SPRY3: variants seen among roughly 807,000 people sequenced by gnomAD.
SPRY3 encodes protein sprouty homolog 3.
SPRY3 carries 15 observed loss-of-function variants against 20.2 expected under a neutral mutation model. That is an observed-to-expected ratio of 0.74 (90% CI 0.50 to 1.14). The LOEUF is 1.14. Among genes scored for constraint, SPRY3 ranks in the 50% most tolerant of loss-of-function variants. The pLI, the probability that SPRY3 is intolerant of heterozygous loss-of-function variation, is 0.00. For synonymous variants in SPRY3, 143 were observed against 136.5 expected (o/e 1.05, Z -0.33); for missense variants, 364 against 363.9 (o/e 1.00, Z 0.00).
chrX:155,652,590 G>A (rs1471481409), intron 1 of SPRY3, among the ~76,000 whole-genome samples: 1 of 111,966 alleles, frequency 8.9e-6, no homozygotes, highest in Non-Finnish European at 1.9e-5. Flanking sequence ...ATTCCATTGT[G>A]TGTATATATA....
chrX:155,746,204 T>C (rs2091225263), intron 2 of SPRY3, among the ~76,000 whole-genome samples: 1 of 152,096 alleles, frequency 6.6e-6, no homozygotes, highest in Non-Finnish European at 1.5e-5. Flanking sequence ...TACTTTCTTT[T>C]ATACCTGTAA....
chrX:155,777,698 C>T (rs190191853), downstream of SPRY3: 2,912 of 52,774 alleles, frequency 0.055, 45 homozygotes, highest in Non-Finnish European at 5.3e-3. Context: ...AAAATATATA[C>T]GAAAGAACTC....
intron 3 of SPRY3, among the ~76,000 whole-genome samples, chrX:155,769,946 G>A (rs536141045): frequency 2.2e-4 from 33 of 152,264 alleles, no homozygotes; most frequent in African/African-American, 7.2e-4. Context: ...TGCACAGAGA[G>A]GGATTTTTAG....
At chrX:155,706,186 A>G (rs1177261258) in intron 2 of SPRY3, among the ~76,000 whole-genome samples, 1 of 151,286 alleles carries the variant, frequency 6.6e-6, no homozygotes, top group East Asian at 1.9e-4. Flanking sequence ...CAGTAGAATT[A>G]AACTGGAAAT....
intron 2 of SPRY3, among the ~76,000 whole-genome samples, chrX:155,728,599 G>T (rs1245504556): frequency 9.2e-5 from 14 of 152,216 alleles, no homozygotes; most frequent in Middle Eastern, 3.2e-3. Context: ...GGCTCCGTGG[G>T]CATGGGAACT....
At chrX:155,723,611 C>T (rs1458677753) in intron 2 of SPRY3, among the ~76,000 whole-genome samples, 1 of 152,100 alleles carries the variant, frequency 6.6e-6, no homozygotes, top group Non-Finnish European at 1.5e-5. Flanking sequence ...ATATCCTTTG[C>T]CCACTTTTTG....
At chrX:155,642,470 A>G (rs782631407) in intron 1 of SPRY3, among the ~76,000 whole-genome samples, 1 of 110,434 alleles carries the variant, frequency 9.1e-6, no homozygotes, top group South Asian at 3.8e-4. Flanking sequence ...CTTCATTTCA[A>G]ATTTGTTTCT....
intron 2 of SPRY3, among the ~76,000 whole-genome samples, chrX:155,716,271 C>T (rs1294251759): frequency 3.9e-5 from 6 of 152,138 alleles, no homozygotes; most frequent in Non-Finnish European, 5.9e-5. Context: ...CCATTTACAG[C>T]AGTTTTTCTT....
At chrX:155,747,467 T>C (rs2091233400) in intron 2 of SPRY3, among the ~76,000 whole-genome samples, 1 of 151,954 alleles carries the variant, frequency 6.6e-6, no homozygotes, top group Admixed American at 6.6e-5. Context: ...ATGGCAAATA[T>C]AGCATATTTT....
chrX:155,767,879 G>C (rs903462660), intron 2 of SPRY3, 83 bp from the exon 2 acceptor site: 2 of 154,000 alleles, frequency 1.3e-5, no homozygotes, highest in African/African-American at 4.8e-5. Context: ...TGCCACTACA[G>C]GTTTGACTCG....
At chrX:155,649,939 G>T (rs1285153864) in intron 1 of SPRY3, among the ~76,000 whole-genome samples, 3 of 111,648 alleles carry the variant, frequency 2.7e-5, no homozygotes, top group Non-Finnish European at 1.9e-5. Context: ...CAAAATCAAT[G>T]TGCAAAAATC....
At chrX:155,765,262 A>G (rs997384483) in intron 2 of SPRY3, among the ~76,000 whole-genome samples, 2 of 148,326 alleles carry the variant, frequency 1.3e-5, no homozygotes, top group African/African-American at 5.1e-5. Flanking sequence ...ACTGTGGTAT[A>G]GTGGTTAAAA....
intron 2 of SPRY3, among the ~76,000 whole-genome samples, chrX:155,678,361 A>G (rs185548413): frequency 3.3e-4 from 37 of 112,250 alleles, no homozygotes; most frequent in African/African-American, 1.1e-3. Flanking sequence ...TTGCAGTAGA[A>G]TGACTCCAGT....
At chrX:155,722,793 A>G (rs1029137621) in intron 2 of SPRY3, among the ~76,000 whole-genome samples, 5 of 147,554 alleles carry the variant, frequency 3.4e-5, no homozygotes, top group African/African-American at 1.2e-4. Flanking sequence ...ACACTTCACC[A>G]TATATATATA....
chrX:155,770,604 A>T (rs1166235004), intron 3 of SPRY3, among the ~76,000 whole-genome samples: 5 of 149,854 alleles, frequency 3.3e-5, no homozygotes, highest in African/African-American at 1.2e-4. Context: ...CTTTGCTCTT[A>T]TTTAATAATA....
At chrX:155,773,327 T>G (rs2091395129) in intron 3 of SPRY3, among the ~76,000 whole-genome samples, 1 of 146,130 alleles carries the variant, frequency 6.8e-6, no homozygotes, top group Non-Finnish European at 1.5e-5. Flanking sequence ...TATATATATA[T>G]ATATATATAT....
intron 2 of SPRY3, among the ~76,000 whole-genome samples, chrX:155,751,232 G>C (rs1035467655): frequency 6.6e-6 from 1 of 151,828 alleles, no homozygotes; most frequent in Non-Finnish European, 1.5e-5. Context: ...GGAAAACCAA[G>C]CTTGAGGTTC....
At chrX:155,658,945 TG>T (rs2068000299) in intron 2 of SPRY3, among the ~76,000 whole-genome samples, 1 of 111,628 alleles carries the variant, frequency 9.0e-6, no homozygotes, top group African/African-American at 3.3e-5. Flanking sequence ...GATGATCATA[TG>T]GTTATTGTTT....
chrX:155,686,973 T>C (rs1271904166), intron 2 of SPRY3, among the ~76,000 whole-genome samples: 1 of 112,815 alleles, frequency 8.9e-6, no homozygotes, highest in East Asian at 2.8e-4. Flanking sequence ...CTTCTGAGAT[T>C]TGAGTTGAGG....
Sources: gnomAD v4.1 joint callset for allele counts (sites outside exome capture counted in the v4.1 genomes callset) on GRCh38, gnomAD v4.1.1 for gene constraint, MANE v1.5 for transcripts, NCBI Gene and HGNC (gene_info 2026-07-23, HGNC 2026-07-21) for gene names.